The following ARPC3 variants were observed in gnomAD, a reference collection of about 807,000 sequenced individuals.
ARPC3 encodes actin-related protein 2/3 complex subunit 3.
Under a neutral mutation model 27.6 loss-of-function variants are expected in ARPC3, and 12 were observed. The ratio of observed to expected loss-of-function variants is 0.43; its 90% CI spans 0.28 to 0.70. The LOEUF (loss-of-function observed/expected upper bound fraction) is 0.70, where lower values mean the gene tolerates loss of function less well. ARPC3 is among the 30% of genes least tolerant of loss of function. The pLI is 0.17. For missense variants in ARPC3, 153 were observed against 207.7 expected, an observed-to-expected ratio of 0.74 and a Z score of 1.62; for synonymous variants, 53 against 67.2, an observed-to-expected ratio of 0.79 and a Z score of 1.03.
rs111644303 is a variant in ARPC3, at chr12:110,437,644, A to G, written c.184-492T>C. ...CAGCCTCCCAAAGTGCTGGGATTAC[A>G]GGCATGAGCCACCACGCTCGGCTGA... On this transcript the variant is annotated intron_variant, in intron 3 of 6. Coordinates refer to ENST00000228825, the MANE Select transcript of ARPC3 (RefSeq NM_001278556.2). 3.1e-3 allele frequency among the ~76,000 whole-genome samples: 475 copies of G among 152,232 alleles called. 1 individual carries two copies. The highest frequency in any genetic ancestry group is 0.011 in the African/African-American group (442 of 41,540).
chr12:110,436,308 A>T, intron 5 of ARPC3, 104 bp from the exon 6 acceptor site: 1 of 1,114,906 alleles, frequency 9.0e-7, no homozygotes, highest in Non-Finnish European at 1.3e-6. Flanking sequence ...TATACATTTG[A>T]ACAGGATACA....
chr12:110,440,473 C>T, intron 2 of ARPC3, 85 bp from the exon 3 acceptor site: 2 of 870,266 alleles, frequency 2.3e-6, no homozygotes, highest in Non-Finnish European at 4.0e-6. Context: ...AGGGAAAACA[C>T]ATACAACTGT....
chr12:110,449,755 G>T (rs1038311566), intron 1 of ARPC3, among the ~76,000 whole-genome samples: 3 of 152,110 alleles, frequency 2.0e-5, no homozygotes, highest in African/African-American at 4.8e-5. Flanking sequence ...TTGGAAGTCA[G>T]GCGCCGAACG....
At chr12:110,437,957 CAAAT>C (rs2062415110) in intron 3 of ARPC3, among the ~76,000 whole-genome samples, 1 of 152,092 alleles carries the variant, frequency 6.6e-6, no homozygotes, top group Admixed American at 6.6e-5. Context: ...GTGGAGAAGA[CAAAT>C]GAATGTTGAT....
intron 1 of ARPC3, among the ~76,000 whole-genome samples, chr12:110,446,267 G>C (rs2062463746): frequency 6.6e-6 from 1 of 150,668 alleles, no homozygotes; most frequent in Non-Finnish European, 1.5e-5. Flanking sequence ...GGGACTACAG[G>C]TGTGAGCCAC....
At chr12:110,442,509 G>C (rs2062443324) in intron 2 of ARPC3, 1 of 152,104 alleles carries the variant, frequency 6.6e-6, no homozygotes, top group Non-Finnish European at 1.5e-5. Flanking sequence ...TCAGGGGGCT[G>C]AGGCAGGAGA....
At position 110,442,470 on chromosome 12, in the gene ARPC3, T is replaced by G. The variant is rs766785992; in HGVS notation, c.107-2082A>C. Among the ~76,000 whole-genome samples the G allele has an allele frequency of 1.2e-4, 19 of 152,094 alleles. No homozygotes were observed. In the East Asian group the frequency reaches 1.4e-3, roughly 11 times the overall value. ...TAAAAATACAAAAACTAGCCGGGCA[T>G]GGTGGTACGTGCCTGTAATCCCAGC... On this transcript the variant is annotated intron_variant, in intron 2 of 6. Transcript: ENST00000228825.
intron 5 of ARPC3, 70 bp downstream of exon 5, chr12:110,436,487 A>C: frequency 5.6e-6 from 9 of 1,595,692 alleles, no homozygotes; most frequent in Non-Finnish European, 7.7e-6. Flanking sequence ...CAAGAAAAAG[A>C]GGGGTGGTAG....
intron 5 of ARPC3, 74 bp from the exon 6 acceptor site, chr12:110,436,278 T>G: frequency 8.0e-7 from 1 of 1,244,046 alleles, no homozygotes; most frequent in Non-Finnish European, 1.2e-6. Flanking sequence ...CTCTGGATGC[T>G]CACTGTGGTA....
Position 110,445,468 on chromosome 12 carries a change from T to A in ARPC3, c.90A>T (p.Gly30=). 1 of 1,610,946 alleles carries A rather than the reference T, an allele frequency of 6.2e-7. No homozygotes were observed. The highest frequency in any genetic ancestry group is 8.5e-7 in the Non-Finnish European group (1 of 1,177,102). ...ALLPIRSQFK[G]PAPRETKDTD... is the part of the protein sequence containing the mutation. ...TAGACTTACTCTCTCTGGGGGCAGG[T>A]CCTTTGAATTGACTTCTGATAGGCA... Residue 30 remains glycine (G), a synonymous_variant, in exon 2 of 7, where the codon GGA becomes GGT. Transcript: ENST00000228825.
At chr12:110,439,376 C>T (rs747781119) in intron 3 of ARPC3, among the ~76,000 whole-genome samples, 3 of 152,162 alleles carry the variant, frequency 2.0e-5, no homozygotes, top group Non-Finnish European at 4.4e-5. Context: ...AGAATTGTAA[C>T]ATTTATAACT....
chr12:110,440,554 GTTTT>G (rs1331232840), intron 2 of ARPC3, 166 bp from the exon 3 acceptor site: 2 of 533,480 alleles, frequency 3.7e-6, no homozygotes, highest in Non-Finnish European at 6.8e-6. Context: ...ATATTTATTT[GTTTT>G]TTTTTTGAGA....
At chr12:110,443,891 A>G (rs2062450951) in intron 2 of ARPC3, among the ~76,000 whole-genome samples, 1 of 152,182 alleles carries the variant, frequency 6.6e-6, no homozygotes, top group Non-Finnish European at 1.5e-5. Flanking sequence ...CATTCTACAG[A>G]TATTTGTTGA....
At chr12:110,447,553 T>G (rs747346079) in intron 1 of ARPC3, among the ~76,000 whole-genome samples, 2 of 152,070 alleles carry the variant, frequency 1.3e-5, no homozygotes, top group Non-Finnish European at 2.9e-5. Flanking sequence ...GGCGGACAGA[T>G]CACAAGGCCA....
chr12:110,438,822 T>C (rs1220441504), intron 3 of ARPC3, among the ~76,000 whole-genome samples: 1 of 151,078 alleles, frequency 6.6e-6, no homozygotes, highest in Non-Finnish European at 1.5e-5. Flanking sequence ...TTTGTATTTT[T>C]AGTAGAGACG....
chr12:110,442,663 T>A, intron 2 of ARPC3: 1 of 151,866 alleles, frequency 6.6e-6, no homozygotes, highest in Non-Finnish European at 1.5e-5. Flanking sequence ...GTATTCAATA[T>A]AATTTTATTT....
At chr12:110,446,533 G>A (rs746100381) in intron 1 of ARPC3, among the ~76,000 whole-genome samples, 1 of 151,286 alleles carries the variant, frequency 6.6e-6, no homozygotes, top group African/African-American at 2.4e-5. Context: ...CCGACCTCAG[G>A]TGATCTGCCC....
chr12:110,438,579 CAG>C (rs1332187816), intron 3 of ARPC3, among the ~76,000 whole-genome samples: 1 of 150,796 alleles, frequency 6.6e-6, no homozygotes, highest in African/African-American at 2.4e-5. Context: ...AGCCTGGTGA[CAG>C]AGCGGGACTC....
chr12:110,437,330 C>T (rs1325104048), intron 3 of ARPC3, 178 bp from the exon 4 acceptor site: 1 of 591,180 alleles, frequency 1.7e-6, no homozygotes. Flanking sequence ...TTTCCGTCTG[C>T]CCCTGGGAGG....
Sources: gnomAD v4.1 joint callset for allele counts (sites outside exome capture counted in the v4.1 genomes callset) on GRCh38, gnomAD v4.1.1 for gene constraint, MANE v1.5 for transcripts, NCBI Gene and HGNC (gene_info 2026-07-23, HGNC 2026-07-21) for gene names.